The following PCDHGA12 variants were observed in gnomAD, a reference collection of about 807,000 sequenced individuals.
PCDHGA12 encodes the protein protocadherin gamma-A12.
Under a neutral mutation model 61.1 loss-of-function variants are expected in PCDHGA12, and 43 were observed. That is an observed-to-expected ratio of 0.70 (90% CI 0.55 to 0.91). The LOEUF is 0.91. Ranked by LOEUF, PCDHGA12 falls within the 40% of genes least tolerant of loss-of-function variation. PCDHGA12 has a pLI of 0.00. For missense variants in PCDHGA12, 1,236 were observed against 1,227.7 expected (o/e 1.01, Z -0.10); for synonymous variants, 520 against 542.9 (o/e 0.96, Z 0.59).
At chr5:141,500,223 T>G (rs1034982746) in intron 2 of PCDHGA12, among the ~76,000 whole-genome samples, 16 of 145,318 alleles carry the variant, frequency 1.1e-4, no homozygotes, top group African/African-American at 3.4e-4. Context: ...TTTATTTATT[T>G]ATTGATACGT....
At position 141,486,671 on chromosome 5, in the gene PCDHGA12, C is replaced by G. The variant is rs1307620045; in HGVS notation, c.2425-8136C>G. 24 of 1,613,926 alleles carry G rather than the reference C, an allele frequency of 1.5e-5. No homozygotes were observed. The highest frequency in any genetic ancestry group is 2.7e-5 in the African/African-American group (2 of 74,932). Reference sequence around the variant, plus strand: ...CTACTCACTCCTGGAGCCCAGGAATCGAGATGTATCAGCTTCCTCTTTCAT... The same window carrying G: ...CTACTCACTCCTGGAGCCCAGGAATGGAGATGTATCAGCTTCCTCTTTCAT... On this transcript the variant is annotated intron_variant, in intron 1 of 3. Transcript: ENST00000252085. The surrounding 1 kb of genome is among the most constrained non-coding windows in gnomAD (Gnocchi z 5.0).
At chr5:141,498,796 G>A (rs1160540093) in intron 2 of PCDHGA12, among the ~76,000 whole-genome samples, 1 of 152,032 alleles carries the variant, frequency 6.6e-6, no homozygotes, top group Non-Finnish European at 1.5e-5. Context: ...AGCCAGGTGT[G>A]GTGGTGCACA....
chr5:141,509,157 C>T lies in PCDHGA12; in HGVS notation c.2573-1790C>T, dbSNP rs369133984. Among the ~76,000 whole-genome samples the T allele has an allele frequency of 2.6e-4, 40 of 152,314 alleles. No individual in the cohort carries two copies. In the South Asian group the frequency reaches 7.0e-3, roughly 27 times the overall value. On this transcript the variant is annotated intron_variant, in intron 3 of 3. Transcript: ENST00000252085. The stretch of plus-strand genomic sequence containing the variant: ...GAGGCGCATCCCGGCTCTCCCCTCC[C>T]GTGTGCCCTCCTCCTCTTATGCCGG...
chr5:141,453,926 T>C (rs1274875429), intron 1 of PCDHGA12, among the ~76,000 whole-genome samples: 1 of 152,256 alleles, frequency 6.6e-6, no homozygotes, highest in Non-Finnish European at 1.5e-5. Flanking sequence ...GATCAGTCAC[T>C]GTGTGCCTAT....
chr5:141,444,282 C>T (rs1341316344), intron 1 of PCDHGA12, among the ~76,000 whole-genome samples: 1 of 148,268 alleles, frequency 6.7e-6, no homozygotes, highest in African/African-American at 2.5e-5. Flanking sequence ...AGTGATTCTC[C>T]TGCCTCAGCC....
intron 1 of PCDHGA12, among the ~76,000 whole-genome samples, chr5:141,479,135 G>C (rs1236040845): frequency 6.6e-6 from 1 of 152,126 alleles, no homozygotes; most frequent in East Asian, 1.9e-4. Flanking sequence ...TGTGCACCCT[G>C]CTTACAAAAT....
chr5:141,505,246 G>GAAGT, intron 2 of PCDHGA12, 147 bp from the exon 3 acceptor site: 3 of 1,436,674 alleles, frequency 2.1e-6, no homozygotes, highest in Non-Finnish European at 2.8e-6. Context: ...AAGGATTGTA[G>GAAGT]AAGTGCCTCC....
intron 1 of PCDHGA12, among the ~76,000 whole-genome samples, chr5:141,483,889 CT>C (rs1298469461): frequency 6.6e-6 from 1 of 151,866 alleles, no homozygotes; most frequent in Admixed American, 6.6e-5. Flanking sequence ...TTCTATTTCT[CT>C]GAGCTCTGGT....
intron 1 of PCDHGA12, among the ~76,000 whole-genome samples, chr5:141,438,581 TACATAC>T (rs2097977343): frequency 4.0e-5 from 2 of 49,846 alleles, no homozygotes; most frequent in Non-Finnish European, 6.5e-5. Flanking sequence ...TATACATACA[TACATAC>T]ATACATATAT....
intron 1 of PCDHGA12, chr5:141,441,889 GT>G: frequency 2.9e-6 from 1 of 346,022 alleles, no homozygotes; most frequent in South Asian, 2.6e-5. Flanking sequence ...GGTCACCAAG[GT>G]GGTGGCTGTA....
At chr5:141,492,705 C>T (rs2099743225) in intron 1 of PCDHGA12, among the ~76,000 whole-genome samples, 1 of 152,258 alleles carries the variant, frequency 6.6e-6, no homozygotes, top group South Asian at 2.1e-4. Flanking sequence ...ACCCAGAAGC[C>T]TCGAGCAGGC....
chr5:141,507,287 C>G (rs79707942), intron 3 of PCDHGA12: 1 of 148,974 alleles, frequency 6.7e-6, no homozygotes, highest in East Asian at 1.9e-4. Context: ...AAGTCAGTCT[C>G]AAATGTTGCA....
intron 1 of PCDHGA12, among the ~76,000 whole-genome samples, chr5:141,473,380 G>A (rs1363453338): frequency 6.6e-6 from 1 of 152,204 alleles, no homozygotes; most frequent in African/African-American, 2.4e-5. Context: ...CATGGTCCCT[G>A]CCCTCCTGGA....
chr5:141,432,630 G>A lies in PCDHGA12; in HGVS notation c.1871G>A (p.Gly624Asp), dbSNP rs1278355878. The change falls in exon 1 of 4, where the codon GGC becomes GAC. Residue 624 changes from glycine to aspartate, a missense_variant. By Grantham distance (94) the Gly-to-Asp change is moderately conservative. Coordinates refer to ENST00000252085, the MANE Select transcript of PCDHGA12 (RefSeq NM_003735.3). This position sits in a 1 kb window ranked among gnomAD's most constrained non-coding sequence, Gnocchi z 6.0. ...CTCTTCTCGGTGGGTCTGCACACGG[G>A]CGAGGTGCGCACGGCGCGAGCCCTG... The part of the protein sequence containing the change: ...PGLFSVGLHT[G>D]EVRTARALLD... 3.7e-6 allele frequency: 6 copies of A among 1,612,782 alleles called. No homozygotes were observed. Among genetic ancestry groups the A allele is most frequent in the Non-Finnish European group, 5.1e-6 (6 of 1,179,682 alleles).
chr5:141,463,615 A>G (rs1336539466), intron 1 of PCDHGA12, among the ~76,000 whole-genome samples: 1 of 151,408 alleles, frequency 6.6e-6, no homozygotes, highest in Admixed American at 6.6e-5. Context: ...TGCCCGGCTA[A>G]TTTTTTGTAT....
In PCDHGA12 at chr5:141,477,825, C is replaced by A; in HGVS notation, c.2425-16982C>A. The A allele has an allele frequency of 2.5e-6, 4 of 1,614,174 alleles. No individual in the cohort carries two copies. The South Asian group carries it at 4.4e-5, about 18-fold the overall frequency. On this transcript the variant is annotated intron_variant, in intron 1 of 3. Transcript: ENST00000252085. This position sits in a 1 kb window ranked among gnomAD's most constrained non-coding sequence, Gnocchi z 4.9. ...GACAATGCCCCCCAGGTCCTATATC[C>A]TCGGCCAGGTGGGAGCTCGGTGGAG...
Position 141,489,072 on chromosome 5 carries a change from AC to A in PCDHGA12, c.2425-5730del. The A allele has an allele frequency of 6.3e-6, 1 of 157,708 alleles. No individual in the cohort carries two copies. The highest frequency in any genetic ancestry group is 1.2e-5 in the Non-Finnish European group (1 of 83,994). The allele number at this position is 157,708 out of a possible 1,614,324, so 9.8% of individuals were successfully genotyped here. On this transcript the variant is annotated intron_variant, in intron 1 of 3. Coordinates refer to ENST00000252085, the MANE Select transcript of PCDHGA12 (RefSeq NM_003735.3). This position sits in a 1 kb window ranked among gnomAD's most constrained non-coding sequence, Gnocchi z 4.5. ...AATTCAGCTCCCCTCCCCCCTGCCC[AC>A]CCCCGCCACTCGGTGACTAAGAACT...
intron 3 of PCDHGA12, among the ~76,000 whole-genome samples, chr5:141,506,417 A>C (rs1326078146): frequency 6.8e-6 from 1 of 147,658 alleles, no homozygotes; most frequent in Non-Finnish European, 1.5e-5. Context: ...ACTGCACTCC[A>C]GCCTGGGCAA....
rs756761584 is a variant in PCDHGA12 at position 141,476,545 on chromosome 5, G to A, written c.2425-18262G>A. 13 of 1,614,230 alleles carry A rather than the reference G, an allele frequency of 8.1e-6. No homozygotes were observed. The Admixed American group carries it at 2.2e-4, about 27-fold the overall frequency. On this transcript the variant is annotated intron_variant, in intron 1 of 3. Coordinates refer to ENST00000252085, the MANE Select transcript of PCDHGA12 (RefSeq NM_003735.3). This position sits in a 1 kb window ranked among gnomAD's most constrained non-coding sequence, Gnocchi z 7.6. ...TCCCTACCCAGGAAATGAAATTGGA[G>A]ATTAGCGAGGCCGTGGCTCCGGGGA...
Sources: allele counts gnomAD v4.1 joint callset (sites outside exome capture counted in the v4.1 genomes callset), GRCh38; gene constraint gnomAD v4.1.1; non-coding constraint Gnocchi (gnomAD v3.1); transcripts MANE v1.5; gene names NCBI Gene and HGNC (gene_info 2026-07-23, HGNC 2026-07-21).